ONECUT3: variants seen among roughly 807,000 people sequenced by gnomAD.
ONECUT3 encodes the protein one cut homeobox 3, also known as one cut domain family member 3.
ONECUT3 carries 11 observed loss-of-function variants against 16.8 expected under a neutral mutation model. The ratio of observed to expected loss-of-function variants is 0.66; its 90% confidence interval spans 0.41 to 1.09. The LOEUF (loss-of-function observed/expected upper bound fraction) is 1.09. Among genes scored for constraint, ONECUT3 ranks in the 50% least tolerant of loss-of-function variants. The pLI, the probability that ONECUT3 is intolerant of heterozygous loss-of-function variation, is 0.00. For synonymous variants in ONECUT3, 344 were observed against 310.7 expected, an observed-to-expected ratio of 1.11 and a Z score of -1.13; for missense variants, 637 against 629.9, an observed-to-expected ratio of 1.01 and a Z score of -0.12.
intron 1 of ONECUT3, among the ~76,000 whole-genome samples, chr19:1,760,369 G>A (rs890493329): frequency 3.3e-5 from 5 of 151,846 alleles, no homozygotes; most frequent in Admixed American, 3.3e-4. Context: ...GTGACGCTTC[G>A]GGACGAAGTC....
chr19:1,769,808 G>C (rs567075034), intron 1 of ONECUT3, among the ~76,000 whole-genome samples: 101 of 152,212 alleles, frequency 6.6e-4, no homozygotes, highest in Non-Finnish European at 1.2e-3. Context: ...CGCCGGGAAG[G>C]GGGGCAGCAG....
rs901233865 is a variant in ONECUT3 at position 1,762,627 on chromosome 19, C to T, written c.1192+7773C>T. On this transcript the variant is annotated intron_variant, in intron 1 of 1. Transcript: ENST00000382349. This position sits in a 1 kb window ranked among gnomAD's most constrained non-coding sequence, Gnocchi z 4.4. Reference sequence around the variant, plus strand: ...CTGACAGGACCTGGACGCACGTGCCCCGGCGCCAGGAGACCCGGGACCCGG... The same window carrying T: ...CTGACAGGACCTGGACGCACGTGCCTCGGCGCCAGGAGACCCGGGACCCGG... 6.6e-6 allele frequency among the ~76,000 whole-genome samples: 1 copy of T among 152,258 alleles called. No homozygotes were observed. The highest frequency in any genetic ancestry group is 1.5e-5 in the Non-Finnish European group (1 of 68,042).
At position 1,762,818 on chromosome 19, in the gene ONECUT3, C is replaced by G. The variant is rs764669438; in HGVS notation, c.1192+7964C>G. On this transcript the variant is annotated intron_variant, in intron 1 of 1. Transcript: ENST00000382349. This position sits in a 1 kb window ranked among gnomAD's most constrained non-coding sequence, Gnocchi z 4.4. ...TCTTCCTTGTCTGGCGCCCCAGAACCGCGGCCGTCCTGGGTGCGCTCAGCT... is the reference window on the plus strand; with the variant it reads ...TCTTCCTTGTCTGGCGCCCCAGAACGGCGGCCGTCCTGGGTGCGCTCAGCT... Among the ~76,000 whole-genome samples, 1 of 152,184 alleles carries G rather than the reference C, an allele frequency of 6.6e-6. No homozygotes were observed. The highest frequency in any genetic ancestry group is 1.5e-5 in the Non-Finnish European group (1 of 68,026).
At chr19:1,767,494 C>G (rs548141250) in intron 1 of ONECUT3, among the ~76,000 whole-genome samples, 6 of 152,220 alleles carry the variant, frequency 3.9e-5, no homozygotes, top group South Asian at 2.1e-4. Flanking sequence ...GGCCAAATCC[C>G]AAGGGGTCTG....
chr19:1,753,836 C>T lies in ONECUT3; in HGVS notation c.174C>T (p.Gly58=). Residue 58 remains glycine, a synonymous_variant, in exon 1 of 2, where the codon GGC becomes GGT. Coordinates refer to ENST00000382349, the MANE Select transcript of ONECUT3 (RefSeq NM_001080488.2). Reference sequence around the variant, plus strand: ...TGGCGAGCCTGCTGGACGGCGGCGGCGGCGGCGGCGGTGGGGGCGCCGGGG... The same window carrying T: ...TGGCGAGCCTGCTGGACGGCGGCGGTGGCGGCGGCGGTGGGGGCGCCGGGG... ...AGMASLLDGG[G]GGGGGGAGGA... 1.0e-6 allele frequency: 1 copy of T among 968,130 alleles called. No individual in the cohort carries two copies. The highest frequency in any genetic ancestry group is 1.2e-6 in the Non-Finnish European group (1 of 817,910). 60.0% of individuals were successfully genotyped at this position (968,130 alleles called of 1,614,324 possible).
At chr19:1,772,201 CAG>C (rs1036339227) in intron 1 of ONECUT3, among the ~76,000 whole-genome samples, 12 of 151,338 alleles carry the variant, frequency 7.9e-5, no homozygotes, top group African/African-American at 2.9e-4. Flanking sequence ...TTTGTGGAGA[CAG>C]AGTTTCATCA....
At position 1,762,606 on chromosome 19, in the gene ONECUT3, C is replaced by G. The variant is rs888482266; in HGVS notation, c.1192+7752C>G. Among the ~76,000 whole-genome samples the G allele has an allele frequency of 4.6e-5, 7 of 152,252 alleles. No individual in the cohort carries two copies. The highest frequency in any genetic ancestry group is 8.8e-5 in the Non-Finnish European group (6 of 68,030). On this transcript the variant is annotated intron_variant, in intron 1 of 1. Coordinates refer to ENST00000382349, the MANE Select transcript of ONECUT3 (RefSeq NM_001080488.2). The surrounding 1 kb of genome is among the most constrained non-coding windows in gnomAD (Gnocchi z 4.4). ...GCGCGCCCGGCCCCCAACAGCCTGA[C>G]AGGACCTGGACGCACGTGCCCCGGC... is the stretch of plus-strand genomic sequence containing the variant.
rs1480679953 is a variant in ONECUT3 at position 1,754,840 on chromosome 19, C to A, written c.1178C>A (p.Ala393Glu). The A allele has an allele frequency of 4.0e-6, 6 of 1,513,322 alleles. No homozygotes were observed. The highest frequency in any genetic ancestry group is 8.9e-7 in the Non-Finnish European group (1 of 1,128,014). The allele number at this position is 1,513,322 out of a possible 1,614,324, so 93.7% of individuals were successfully genotyped here. Residue 393 changes from alanine (A) to glutamate (E), a missense_variant, in exon 1 of 2, where the codon GCG (alanine) becomes GAG (glutamate). Coordinates refer to ENST00000382349, the MANE Select transcript of ONECUT3 (RefSeq NM_001080488.2). The surrounding 1 kb of genome is among the most constrained non-coding windows in gnomAD (Gnocchi z 7.4). The stretch of plus-strand genomic sequence containing the variant: ...GAGCCAGAGTTCCAGCGCATGTCGG[C>A]GCTGCGCTTGGCAGGTAGGAGCGTG... The part of the protein sequence containing the change: ...LQEPEFQRMS[A>E]LRLAACKRKE...
At position 1,766,031 on chromosome 19, in the gene ONECUT3, G is replaced by A. The variant is rs920603030; in HGVS notation, c.1193-9122G>A. On this transcript the variant is annotated intron_variant, in intron 1 of 1. Transcript: ENST00000382349. This position sits in a 1 kb window ranked among gnomAD's most constrained non-coding sequence, Gnocchi z 4.0. ...AGATCCGTTGCCTCATCCACCGCCC[G>A]TCCAAGGCCCCACAAGCTGATGCCG... 2.6e-5 allele frequency among the ~76,000 whole-genome samples: 4 copies of A among 152,240 alleles called. No homozygotes were observed. The highest frequency in any genetic ancestry group is 4.8e-5 in the African/African-American group (2 of 41,466).
rs1299445760 is a variant in ONECUT3 at position 1,755,372 on chromosome 19, G to A, written c.1192+518G>A. Among the ~76,000 whole-genome samples, 1 of 152,098 alleles carries A rather than the reference G, an allele frequency of 6.6e-6. No individual in the cohort carries two copies. ...CGGGCGCCTGCAGCTCAGCAGCAGA[G>A]GCCGAGCCCGCGCTCATCCCCCCAC... On this transcript the variant is annotated intron_variant, in intron 1 of 1. Coordinates refer to ENST00000382349, the MANE Select transcript of ONECUT3 (RefSeq NM_001080488.2). This position sits in a 1 kb window ranked among gnomAD's most constrained non-coding sequence, Gnocchi z 7.5.
chr19:1,778,964 G>T lies in ONECUT3; in HGVS notation c.*3519G>T. 1 of 148,910 alleles carries T rather than the reference G, an allele frequency of 6.7e-6. No homozygotes were observed. Among genetic ancestry groups the T allele is most frequent in the Non-Finnish European group, 1.5e-5 (1 of 67,826 alleles). The allele number at this position is 148,910 out of a possible 1,614,324, so 9.2% of individuals were successfully genotyped here. On this transcript the variant is annotated 3_prime_UTR_variant, in exon 2 of 2. Coordinates refer to ENST00000382349, the MANE Select transcript of ONECUT3 (RefSeq NM_001080488.2). ...CAAACTTGGCCAGACCCCCACAGAA[G>T]GCTCTATCCCCGACCTGCCCGCCGG... is the stretch of plus-strand genomic sequence containing the variant.
rs1189282606 is a variant in ONECUT3, at chr19:1,762,113, C to T, written c.1192+7259C>T. 6.6e-6 allele frequency among the ~76,000 whole-genome samples: 1 copy of T among 152,196 alleles called. No homozygotes were observed. Among genetic ancestry groups the T allele is most frequent in the African/African-American group, 2.4e-5 (1 of 41,458 alleles). On this transcript the variant is annotated intron_variant, in intron 1 of 1. Transcript: ENST00000382349. The surrounding 1 kb of genome is among the most constrained non-coding windows in gnomAD (Gnocchi z 4.4). ...TGGCAGTCTTGAGCCAGCAACTCCC[C>T]TAAGTGGGGTGCGGGGACATCTGGA...
chr19:1,759,856 C>G lies in ONECUT3; in HGVS notation c.1192+5002C>G, dbSNP rs1470495167. Among the ~76,000 whole-genome samples the G allele has an allele frequency of 6.6e-6, 1 of 152,172 alleles. No individual in the cohort carries two copies. The highest frequency in any genetic ancestry group is 6.5e-5 in the Admixed American group (1 of 15,282). ...AGGGATGCACGGAGTGTGGATAGAC[C>G]GAGACCGTGCCCAGGGCCACGAGAA... On this transcript the variant is annotated intron_variant, in intron 1 of 1. Transcript: ENST00000382349. The surrounding 1 kb of genome is among the most constrained non-coding windows in gnomAD (Gnocchi z 4.1).
intron 1 of ONECUT3, among the ~76,000 whole-genome samples, chr19:1,774,507 A>C (rs1389292290): frequency 6.6e-6 from 1 of 152,124 alleles, no homozygotes; most frequent in Non-Finnish European, 1.5e-5. Flanking sequence ...GCACCCCAGG[A>C]CCTAGTAATT....
At chr19:1,768,806 G>A (rs1175912157) in intron 1 of ONECUT3, among the ~76,000 whole-genome samples, 4 of 152,042 alleles carry the variant, frequency 2.6e-5, no homozygotes, top group African/African-American at 9.7e-5. Context: ...GGTGTGGGGA[G>A]GTGGAAGGTG....
chr19:1,765,574 A>G (rs2067979492), intron 1 of ONECUT3, among the ~76,000 whole-genome samples: 1 of 152,098 alleles, frequency 6.6e-6, no homozygotes, highest in Admixed American at 6.5e-5. Context: ...CAGCTCCTGG[A>G]GCTGCCTCTC....
rs765593915 is a variant in ONECUT3, at chr19:1,764,248, G to A, written c.1192+9394G>A. Among the ~76,000 whole-genome samples the A allele has an allele frequency of 5.3e-5, 8 of 152,182 alleles. No individual in the cohort carries two copies. Among genetic ancestry groups the A allele is most frequent in the Non-Finnish European group, 1.0e-4 (7 of 68,038 alleles). ...TCTGTAGCTGAATGTCCGAGGGTGA[G>A]AGGTGCCCCCTGACACCCCCATGCC... On this transcript the variant is annotated intron_variant, in intron 1 of 1. Transcript: ENST00000382349. The surrounding 1 kb of genome is among the most constrained non-coding windows in gnomAD (Gnocchi z 5.0).
chr19:1,780,847 A>G lies in ONECUT3; in HGVS notation c.*5402A>G, dbSNP rs1215267988. The stretch of plus-strand genomic sequence containing the variant: ...GGCCCTGCGGCCTTGAGTGTTTTGA[A>G]TAGACTGGAACTGAGGGCTGCTTTC... On this transcript the variant is annotated 3_prime_UTR_variant, in exon 2 of 2. Coordinates refer to ENST00000382349, the MANE Select transcript of ONECUT3 (RefSeq NM_001080488.2). 5 of 152,004 alleles carry G rather than the reference A, an allele frequency of 3.3e-5. No homozygotes were observed. Among genetic ancestry groups the G allele is most frequent in the Non-Finnish European group, 7.3e-5 (5 of 68,030 alleles). 9.4% of individuals were successfully genotyped at this position (152,004 alleles called of 1,614,324 possible).
At chr19:1,757,075 C>T (rs1382147745) in intron 1 of ONECUT3, among the ~76,000 whole-genome samples, 1 of 148,216 alleles carries the variant, frequency 6.7e-6, no homozygotes, top group Admixed American at 7.0e-5. Flanking sequence ...ATTTGGGGGC[C>T]ACAGAAAACA....
Sources: allele counts gnomAD v4.1 joint callset (sites outside exome capture counted in the v4.1 genomes callset), GRCh38; gene constraint gnomAD v4.1.1; non-coding constraint Gnocchi (gnomAD v3.1); transcripts MANE v1.5; gene names NCBI Gene and HGNC (gene_info 2026-07-23, HGNC 2026-07-21).